The following SLC25A42 variants were observed in gnomAD, a reference collection of about 807,000 sequenced individuals.
The protein encoded by SLC25A42 is solute carrier family 25 member 42.
In SLC25A42, 19 loss-of-function variants were observed where a neutral mutation model predicts 34.7. The observed-to-expected ratio is 0.55, with a 90% CI of 0.38 to 0.80. SLC25A42 has a LOEUF of 0.80. Ranked by LOEUF, SLC25A42 falls within the 30% of genes least tolerant of loss-of-function variation. The probability of loss-of-function intolerance (pLI) is 0.00; values close to 1 mark genes in which losing one functional copy is unlikely to be tolerated. For missense variants in SLC25A42, 364 were observed against 441.3 expected (o/e 0.82, Z 1.57); for synonymous variants, 205 against 191.2 (o/e 1.07, Z -0.59).
intron 1 of SLC25A42, among the ~76,000 whole-genome samples, chr19:19,078,089 A>G (rs1482250506): frequency 1.3e-5 from 2 of 152,166 alleles, no homozygotes; most frequent in African/African-American, 2.4e-5. Context: ...GAGTGTGCTC[A>G]TCATTGCCAT....
At chr19:19,065,059 C>T (rs1395792506) in intron 1 of SLC25A42, among the ~76,000 whole-genome samples, 1 of 152,182 alleles carries the variant, frequency 6.6e-6, no homozygotes, top group Admixed American at 6.5e-5. Context: ...GTGGACCCAC[C>T]GCGTTTGGGC....
At chr19:19,089,097 G>A (rs981566635) in intron 1 of SLC25A42, among the ~76,000 whole-genome samples, 4 of 152,164 alleles carry the variant, frequency 2.6e-5, no homozygotes, top group Admixed American at 1.3e-4. Context: ...GAGCCACTGC[G>A]CCTGGCCAGT....
chr19:19,079,282 A>G (rs1308392699), intron 1 of SLC25A42, among the ~76,000 whole-genome samples: 1 of 151,870 alleles, frequency 6.6e-6, no homozygotes, highest in Non-Finnish European at 1.5e-5. Context: ...TCTTGAACTC[A>G]TGACTTCAAG....
At chr19:19,093,270 CCT>C (rs1190116247) in intron 1 of SLC25A42, among the ~76,000 whole-genome samples, 1 of 152,198 alleles carries the variant, frequency 6.6e-6, no homozygotes, top group Admixed American at 6.5e-5. Context: ...CCTACCTCAG[CCT>C]CTCAAAGTGC....
At chr19:19,103,593 C>T (rs1005834809) in intron 3 of SLC25A42, among the ~76,000 whole-genome samples, 3 of 152,226 alleles carry the variant, frequency 2.0e-5, no homozygotes, top group Non-Finnish European at 4.4e-5. Flanking sequence ...CGCCCTCCCT[C>T]GCTAGGGTTA....
At chr19:19,091,360 A>G (rs2059737320) in intron 1 of SLC25A42, among the ~76,000 whole-genome samples, 1 of 152,188 alleles carries the variant, frequency 6.6e-6, no homozygotes, top group Non-Finnish European at 1.5e-5. Context: ...CGGGAGGTTG[A>G]GGCAGGAGAA....
chr19:19,088,954 T>C (rs918173126), intron 1 of SLC25A42, among the ~76,000 whole-genome samples: 1 of 152,044 alleles, frequency 6.6e-6, no homozygotes, highest in African/African-American at 2.4e-5. Context: ...ACTACAGGCA[T>C]GCACCACCAC....
rs373671442 is a variant in SLC25A42, at chr19:19,105,802, G to A, written c.380+75G>A. The A allele has an allele frequency of 1.3e-4, 140 of 1,088,814 alleles. No homozygotes were observed. In the East Asian group the frequency reaches 4.4e-3, roughly 34 times the overall value. 67.4% of individuals were successfully genotyped at this position (1,088,814 alleles called of 1,614,324 possible). A position where few individuals can be genotyped will look rare whatever the true frequency, so the allele number is the denominator to read the frequency against. ...CCTCTCTCTTTCTTCTGCACGCCCC[G>A]CTCCCTCCTCTTCGTGCCTTGCCCC... is the stretch of plus-strand genomic sequence containing the variant. On this transcript the variant is annotated intron_variant, in intron 5 of 7. Transcript: ENST00000318596.
intron 1 of SLC25A42, among the ~76,000 whole-genome samples, chr19:19,075,142 G>T (rs1402787270): frequency 6.6e-6 from 1 of 151,876 alleles, no homozygotes; most frequent in East Asian, 1.9e-4. Flanking sequence ...GACAGAGTGA[G>T]ACCCTGTCTC....
At chr19:19,083,525 C>G (rs1165475122) in intron 1 of SLC25A42, among the ~76,000 whole-genome samples, 1 of 152,222 alleles carries the variant, frequency 6.6e-6, no homozygotes, top group African/African-American at 2.4e-5. Context: ...TCTCCAGCCT[C>G]GGCTCTCTGG....
rs77496444 is a variant in SLC25A42 at position 19,081,323 on chromosome 19, G to C, written c.-34-14768G>C. 6.6e-6 allele frequency among the ~76,000 whole-genome samples: 1 copy of C among 152,062 alleles called. No individual in the cohort carries two copies. Among genetic ancestry groups the C allele is most frequent in the Non-Finnish European group, 1.5e-5 (1 of 68,002 alleles). On this transcript the variant is annotated intron_variant, in intron 1 of 7. Coordinates refer to ENST00000318596, the MANE Select transcript of SLC25A42 (RefSeq NM_178526.5). The surrounding 1 kb of genome is among the most constrained non-coding windows in gnomAD (Gnocchi z 4.5). Reference sequence around the variant, plus strand: ...ACCACCACTATGACCAGCCTGGCAGGGGGTGATGATGAGAGGAAGTGACAC... The same window carrying C: ...ACCACCACTATGACCAGCCTGGCAGCGGGTGATGATGAGAGGAAGTGACAC...
At chr19:19,100,325 G>C (rs546223753) in intron 2 of SLC25A42, among the ~76,000 whole-genome samples, 2 of 152,174 alleles carry the variant, frequency 1.3e-5, no homozygotes, top group African/African-American at 2.4e-5. Context: ...CTGGGCGACA[G>C]AGCAAGACTG....
chr19:19,110,996 C>A lies in SLC25A42; in HGVS notation c.*120C>A, dbSNP rs950118227. The stretch of plus-strand genomic sequence containing the variant: ...GAGGCACATGGGGCGCTTTATGGAA[C>A]GAGCAGGTGGGCCTGAGGGGCCTGG... On this transcript the variant is annotated 3_prime_UTR_variant, in exon 8 of 8. Coordinates refer to ENST00000318596, the MANE Select transcript of SLC25A42 (RefSeq NM_178526.5). 117 of 1,167,136 alleles carry A rather than the reference C, an allele frequency of 1.0e-4. No homozygotes were observed. Among genetic ancestry groups the A allele is most frequent in the Non-Finnish European group, 1.4e-4 (116 of 829,610 alleles). 72.3% of individuals were successfully genotyped at this position (1,167,136 alleles called of 1,614,324 possible). A position where few individuals can be genotyped will look rare whatever the true frequency, so the allele number is the denominator to read the frequency against.
At chr19:19,093,922 C>T (rs1328045764) in intron 1 of SLC25A42, among the ~76,000 whole-genome samples, 7 of 152,168 alleles carry the variant, frequency 4.6e-5, no homozygotes, top group Admixed American at 6.5e-5. Context: ...GTGATCTGCC[C>T]GCCTCAGCCT....
At chr19:19,096,977 G>A (rs1365812296) in intron 2 of SLC25A42, among the ~76,000 whole-genome samples, 2 of 152,002 alleles carry the variant, frequency 1.3e-5, no homozygotes, top group Admixed American at 6.6e-5. Flanking sequence ...AGCCAAAGGG[G>A]GTGGGCATGC....
intron 1 of SLC25A42, among the ~76,000 whole-genome samples, chr19:19,091,815 T>C (rs2059739697): frequency 6.6e-6 from 1 of 152,202 alleles, no homozygotes; most frequent in Non-Finnish European, 1.5e-5. Context: ...AGGTCGAGGC[T>C]ATAGTGAGCT....
chr19:19,104,772 GTCAGC>G (rs2059817152), intron 3 of SLC25A42, 136 bp from the exon 4 acceptor site: 2 of 901,752 alleles, frequency 2.2e-6, no homozygotes, highest in African/African-American at 1.7e-5. Flanking sequence ...GGGCTTGGGT[GTCAGC>G]TCAGCTCCCA....
At chr19:19,073,030 A>G (rs1379819073) in intron 1 of SLC25A42, among the ~76,000 whole-genome samples, 4 of 152,174 alleles carry the variant, frequency 2.6e-5, no homozygotes, top group African/African-American at 9.7e-5. Flanking sequence ...GACACATCCA[A>G]GGTGTCACAT....
At chr19:19,089,045 C>T (rs548975499) in intron 1 of SLC25A42, among the ~76,000 whole-genome samples, 14 of 149,102 alleles carry the variant, frequency 9.4e-5, no homozygotes, top group East Asian at 2.1e-4. Context: ...TGGCCTCAAG[C>T]GATCTGCCCT....
Sources: gnomAD v4.1 joint callset for allele counts (sites outside exome capture counted in the v4.1 genomes callset) on GRCh38, gnomAD v4.1.1 for gene constraint, Gnocchi (gnomAD v3.1) non-coding constraint, MANE v1.5 for transcripts, NCBI Gene and HGNC (gene_info 2026-07-23, HGNC 2026-07-21) for gene names.